Variants in SMAP2 observed in about 807,000 individuals in gnomAD.
SMAP2 encodes small ArfGAP2, also known as stromal membrane-associated protein 2.
Under a neutral mutation model 56.4 loss-of-function variants are expected in SMAP2, and 25 were observed. The observed-to-expected ratio is 0.44, with a 90% CI of 0.32 to 0.62. The LOEUF (loss-of-function observed/expected upper bound fraction) is 0.62, where lower values mean the gene tolerates loss of function less well. Among genes scored for constraint, SMAP2 ranks in the 20% least tolerant of loss-of-function variants. The pLI is 0.04. For missense variants in SMAP2, 388 were observed against 545.6 expected, an observed-to-expected ratio of 0.71 and a Z score of 2.88; for synonymous variants, 157 against 181.7, an observed-to-expected ratio of 0.86 and a Z score of 1.09.
chr1:40,401,020 G>A (rs752222930), intron 1 of SMAP2, among the ~76,000 whole-genome samples: 8 of 152,192 alleles, frequency 5.3e-5, no homozygotes, highest in Non-Finnish European at 8.8e-5. Flanking sequence ...AGCACTCTGG[G>A]AGGCCGAGAA....
intron 1 of SMAP2, among the ~76,000 whole-genome samples, chr1:40,384,279 AG>A (rs1181802028): frequency 5.3e-5 from 8 of 152,190 alleles, no homozygotes; most frequent in African/African-American, 1.9e-4. Context: ...TAGTTTAACT[AG>A]TCTTATTGAT....
chr1:40,413,220 G>C, intron 5 of SMAP2, 118 bp downstream of exon 5: 1 of 766,310 alleles, frequency 1.3e-6, no homozygotes, highest in Non-Finnish European at 2.3e-6. Flanking sequence ...GGGCTAAAGG[G>C]TTCTGCATCT....
chr1:40,384,012 T>G (rs1644629125), intron 1 of SMAP2, among the ~76,000 whole-genome samples: 1 of 152,252 alleles, frequency 6.6e-6, no homozygotes, highest in African/African-American at 2.4e-5. Context: ...TTCTCATGCC[T>G]CAGCCTTCCA....
At chr1:40,361,796 G>T (rs555084689) in intron 1 of SMAP2, among the ~76,000 whole-genome samples, 13 of 152,300 alleles carry the variant, frequency 8.5e-5, no homozygotes, top group African/African-American at 3.1e-4. Context: ...TGGCTTGGGT[G>T]CCAGCTCAGC....
At position 40,373,966 on chromosome 1, in the gene SMAP2, G is replaced by A. The variant is rs566341637; in HGVS notation, c.-155G>A. 8.4e-6 allele frequency: 5 copies of A among 596,366 alleles called. No individual in the cohort carries two copies. The African/African-American group carries it at 9.5e-5, about 11-fold the overall frequency. The allele number at this position is 596,366 out of a possible 1,614,324, so 36.9% of individuals were successfully genotyped here. A position where few individuals can be genotyped will look rare whatever the true frequency, so the allele number is the denominator to read the frequency against. ...AGTGGGGGACGGACGCCCCCGACCCGGGAAGGGGCGTCCGGCGGGGCCGGA... is the reference window on the plus strand; with the variant it reads ...AGTGGGGGACGGACGCCCCCGACCCAGGAAGGGGCGTCCGGCGGGGCCGGA... On this transcript the variant is annotated 5_prime_UTR_variant, in exon 1 of 10. Transcript: ENST00000372718.
Position 40,386,853 on chromosome 1 carries a change from C to CT in SMAP2, c.103+12648dup, listed in dbSNP as rs57984975. On this transcript the variant is annotated intron_variant, in intron 1 of 9. Transcript: ENST00000372718. This position sits in a 1 kb window ranked among gnomAD's most constrained non-coding sequence, Gnocchi z 4.1. ...GATGCTGAAGGTATTTTTCATAATT[C>CT]TTTTTTTTTTTTTTTTTTGGAGACA... 0.23 allele frequency among the ~76,000 whole-genome samples: 29,795 copies of CT among 127,316 alleles called. 4,495 individuals are homozygous for CT. The highest frequency in any genetic ancestry group is 0.4 in the African/African-American group (13,517 of 33,732). 83.5% of individuals were successfully genotyped at this position (127,316 alleles called of 152,430 possible). A position where few individuals can be genotyped will look rare whatever the true frequency, so the allele number is the denominator to read the frequency against.
chr1:40,385,520 A>G lies in SMAP2; in HGVS notation c.103+11297A>G, dbSNP rs917445012. Among the ~76,000 whole-genome samples, 2 of 152,224 alleles carry G rather than the reference A, an allele frequency of 1.3e-5. No homozygotes were observed. Among genetic ancestry groups the G allele is most frequent in the African/African-American group, 4.8e-5 (2 of 41,456 alleles). ...GGCCTCATGTCATTTCCCCTCACCC[A>G]CAAATCAAATGTGTAATGCTCTCAT... On this transcript the variant is annotated intron_variant, in intron 1 of 9. Transcript: ENST00000372718. This position sits in a 1 kb window ranked among gnomAD's most constrained non-coding sequence, Gnocchi z 4.5.
rs776638039 is a variant in SMAP2 at position 40,416,274 on chromosome 1, G to C, written c.780G>C (p.Lys260Asn). 7.0e-5 allele frequency: 113 copies of C among 1,613,930 alleles called. 1 individual carries two copies. The highest frequency in any genetic ancestry group is 1.7e-4 in the Admixed American group (10 of 59,982). ...GGAGCAAATCAGAAGAAATAGGCAAGAAACAGCTCTCTAAAGACTCCATTC... is the reference window on the plus strand; with the variant it reads ...GGAGCAAATCAGAAGAAATAGGCAACAAACAGCTCTCTAAAGACTCCATTC... ...EPGSKSEEIG[K>N]KQLSKDSILS... Residue 260 changes from lysine to asparagine, a missense_variant, in exon 8 of 10, where the codon AAG becomes AAC. Lys to Asn is a moderately conservative substitution (Grantham distance 94). Transcript: ENST00000372718.
At chr1:40,347,859 G>T (rs945560235) in intron 1 of SMAP2, among the ~76,000 whole-genome samples, 3 of 152,176 alleles carry the variant, frequency 2.0e-5, no homozygotes, top group Admixed American at 6.5e-5. Flanking sequence ...TTAAATGTGT[G>T]TGTGTGTGTG....
chr1:40,419,460 T>G (rs1416358674), intron 9 of SMAP2, among the ~76,000 whole-genome samples: 1 of 151,904 alleles, frequency 6.6e-6, no homozygotes, highest in Non-Finnish European at 1.5e-5. Context: ...TTTTTTGTAT[T>G]TTTTAGTAGA....
intron 1 of SMAP2, among the ~76,000 whole-genome samples, chr1:40,403,365 T>A (rs1241073750): frequency 6.6e-6 from 1 of 151,930 alleles, no homozygotes; most frequent in Non-Finnish European, 1.5e-5. Flanking sequence ...ATTAGTGGGG[T>A]GTGGTAGCAC....
rs1569885558 is a variant in SMAP2, at chr1:40,399,400, T to C, written c.104-7336T>C. 2.7e-5 allele frequency among the ~76,000 whole-genome samples: 4 copies of C among 146,460 alleles called. No homozygotes were observed. The South Asian group carries it at 6.6e-4, about 24-fold the overall frequency. ...GTCTCAAACTCCTGACCTCAGGTCA[T>C]CTGTCCACCTCTGCCTCCCAAAGTG... On this transcript the variant is annotated intron_variant, in intron 1 of 9. Transcript: ENST00000372718.
At chr1:40,353,666 G>C (rs908740745) in intron 1 of SMAP2, among the ~76,000 whole-genome samples, 1 of 152,160 alleles carries the variant, frequency 6.6e-6, no homozygotes, top group Non-Finnish European at 1.5e-5. Context: ...ACATGGCCCA[G>C]AAGGCTTCTT....
Position 40,422,326 on chromosome 1 carries a change from A to G in SMAP2, c.*225A>G. The G allele has an allele frequency of 1.9e-6, 1 of 517,384 alleles. No homozygotes were observed. The highest frequency in any genetic ancestry group is 3.4e-6 in the Non-Finnish European group (1 of 291,516). The allele number at this position is 517,384 out of a possible 1,614,324, so 32.0% of individuals were successfully genotyped here. A position where few individuals can be genotyped will look rare whatever the true frequency, so the allele number is the denominator to read the frequency against. On this transcript the variant is annotated 3_prime_UTR_variant, in exon 10 of 10. Coordinates refer to ENST00000372718, the MANE Select transcript of SMAP2 (RefSeq NM_022733.3). ...CCATAGCCATCCCAACGTCCTCCCC[A>G]GTCCTCTCCTGGCACCAGCACCTTA...
At chr1:40,400,357 G>T (rs1557443664) in intron 1 of SMAP2, among the ~76,000 whole-genome samples, 1 of 152,232 alleles carries the variant, frequency 6.6e-6, no homozygotes, top group African/African-American at 2.4e-5. Context: ...GCACAATGTG[G>T]CTTTGCTTCT....
Position 40,354,822 on chromosome 1 carries a change from G to C in SMAP2, c.-82-7478G>C, listed in dbSNP as rs575211664. Among the ~76,000 whole-genome samples the C allele has an allele frequency of 6.4e-5, 7 of 108,570 alleles. No individual in the cohort carries two copies. The East Asian group carries it at 2.3e-3, about 36-fold the overall frequency. The allele number at this position is 108,570 out of a possible 152,430, so 71.2% of individuals were successfully genotyped here. A position where few individuals can be genotyped will look rare whatever the true frequency, so the allele number is the denominator to read the frequency against. ...GACAGAGTCTCACTCTGTCACCCAG[G>C]CTGGAGTACAGTGGCGTGATCTCGG... On this transcript the variant is annotated intron_variant, in intron 1 of 6. Coordinates refer to the SMAP2 transcript ENST00000435168.
intron 1 of SMAP2, among the ~76,000 whole-genome samples, chr1:40,388,112 G>A (rs928218469): frequency 6.6e-6 from 1 of 152,190 alleles, no homozygotes; most frequent in Non-Finnish European, 1.5e-5. Context: ...GGGACCTGCA[G>A]CCCGCCATGC....
At chr1:40,421,862 TC>T in intron 9 of SMAP2, 113 bp from the exon 10 acceptor site, 1 of 1,219,264 alleles carries the variant, frequency 8.2e-7, no homozygotes, top group Non-Finnish European at 1.2e-6. Flanking sequence ...TAACAGAGTT[TC>T]CCTTTGTCTC....
intron 1 of SMAP2, among the ~76,000 whole-genome samples, chr1:40,398,225 CATTT>C (rs1009570810): frequency 4.0e-5 from 6 of 151,688 alleles, no homozygotes; most frequent in African/African-American, 9.7e-5. Flanking sequence ...CATACGCGTA[CATTT>C]ATTTATTTAT....
Sources: allele counts gnomAD v4.1 joint callset (sites outside exome capture counted in the v4.1 genomes callset), GRCh38; gene constraint gnomAD v4.1.1; non-coding constraint Gnocchi (gnomAD v3.1); transcripts MANE v1.5; gene names NCBI Gene and HGNC (gene_info 2026-07-23, HGNC 2026-07-21).